The following HTR1F variants were observed in gnomAD, a reference collection of about 807,000 sequenced individuals.
HTR1F encodes 5-hydroxytryptamine receptor 1F, also known as 5-hydroxytryptamine (serotonin) receptor 1F, G protein-coupled.
In HTR1F, 17 loss-of-function variants were observed where a neutral mutation model predicts 24.0. The ratio of observed to expected loss-of-function variants is 0.71; its 90% CI spans 0.48 to 1.06. HTR1F has a LOEUF of 1.06. Among genes scored for constraint, HTR1F ranks in the 50% least tolerant of loss-of-function variants. The pLI, the probability that HTR1F is intolerant of heterozygous loss-of-function variation, is 0.00. For synonymous variants in HTR1F, 186 were observed against 156.8 expected (o/e 1.19, Z -1.39); for missense variants, 391 against 427.8 (o/e 0.91, Z 0.76).
At chr3:87,904,554 C>T (rs190912618) in intron 2 of HTR1F, among the ~76,000 whole-genome samples, 82 of 152,142 alleles carry the variant, frequency 5.4e-4, no homozygotes, top group Admixed American at 2.5e-3. Context: ...AGAAGAAACA[C>T]TATTATTTCA....
intron 2 of HTR1F, among the ~76,000 whole-genome samples, chr3:87,891,316 T>C (rs904849691): frequency 6.6e-5 from 10 of 152,156 alleles, no homozygotes; most frequent in African/African-American, 2.4e-4. Flanking sequence ...AAAATGCCAT[T>C]CTCCATTTTT....
At chr3:87,874,889 G>A (rs1705635768) in intron 2 of HTR1F, among the ~76,000 whole-genome samples, 1 of 152,096 alleles carries the variant, frequency 6.6e-6, no homozygotes. Context: ...TGTGGAAAGG[G>A]TAGTCTCCTC....
At chr3:87,928,614 G>A (rs1162894975) in intron 2 of HTR1F, among the ~76,000 whole-genome samples, 2 of 152,056 alleles carry the variant, frequency 1.3e-5, no homozygotes, top group Non-Finnish European at 2.9e-5. Flanking sequence ...ATAATTATGT[G>A]AACCATTACT....
At position 87,991,323 on chromosome 3, in the gene HTR1F, A is replaced by G; in HGVS notation, c.574A>G (p.Ile192Val). Residue 192 changes from isoleucine to valine, a missense_variant, in exon 3 of 3, where the codon ATC becomes GTC. Transcript: ENST00000319595. ...TTACTCAACATTTGGAGCTTTCTAC[A>G]TCCCACTGGCATTGATTTTGATCCT... ...TIYSTFGAFY[I>V]PLALILILYY... is the part of the protein sequence containing the mutation. 2.5e-6 allele frequency: 4 copies of G among 1,613,952 alleles called. No homozygotes were observed. Among genetic ancestry groups the G allele is most frequent in the Non-Finnish European group, 3.4e-6 (4 of 1,179,980 alleles).
At chr3:87,959,959 CA>C (rs1246755678) in intron 2 of HTR1F, among the ~76,000 whole-genome samples, 1 of 151,956 alleles carries the variant, frequency 6.6e-6, no homozygotes, top group South Asian at 2.1e-4. Flanking sequence ...AGCAGCTATT[CA>C]AAAAGTTGGG....
chr3:87,944,846 T>G (rs1203564029), intron 2 of HTR1F, among the ~76,000 whole-genome samples: 1 of 152,188 alleles, frequency 6.6e-6, no homozygotes, highest in East Asian at 1.9e-4. Context: ...GGGTTAAAGA[T>G]TTTAATAGGA....
At chr3:87,963,568 A>T (rs1369571028) in intron 2 of HTR1F, among the ~76,000 whole-genome samples, 1 of 152,072 alleles carries the variant, frequency 6.6e-6, no homozygotes, top group Non-Finnish European at 1.5e-5. Flanking sequence ...CTCTCCTCCA[A>T]CGTGGCAACC....
Position 87,803,878 on chromosome 3 carries a change from A to G in HTR1F, c.-160+11036A>G, listed in dbSNP as rs115488359. On this transcript the variant is annotated intron_variant, in intron 1 of 2. Coordinates refer to ENST00000319595, the MANE Select transcript of HTR1F (RefSeq NM_001322209.2). ...TATTACACGTTATCTTCAAGGGTGG[A>G]CAAGAAGGATTATCCCCATTTTACA... 4.8e-3 allele frequency among the ~76,000 whole-genome samples: 737 copies of G among 152,272 alleles called. 6 individuals carry two copies. The highest frequency in any genetic ancestry group is 0.017 in the African/African-American group (696 of 41,562).
chr3:87,927,677 C>G (rs1321576204), intron 2 of HTR1F, among the ~76,000 whole-genome samples: 1 of 152,060 alleles, frequency 6.6e-6, no homozygotes, highest in African/African-American at 2.4e-5. Flanking sequence ...ATTTGTACCA[C>G]CTCTACAAAT....
intron 2 of HTR1F, among the ~76,000 whole-genome samples, chr3:87,911,907 G>C (rs1703786221): frequency 6.6e-6 from 1 of 152,098 alleles, no homozygotes; most frequent in Non-Finnish European, 1.5e-5. Flanking sequence ...GGGTATCGAA[G>C]AAATATACCT....
chr3:87,952,694 A>C (rs1370875430), intron 2 of HTR1F, among the ~76,000 whole-genome samples: 1 of 151,990 alleles, frequency 6.6e-6, no homozygotes, highest in Non-Finnish European at 1.5e-5. Context: ...TCATTAATGC[A>C]TAGAATAAAG....
At chr3:87,821,852 C>A (rs1704365870) in intron 1 of HTR1F, among the ~76,000 whole-genome samples, 156 bp from the exon 2 acceptor site, 1 of 151,922 alleles carries the variant, frequency 6.6e-6, no homozygotes, top group African/African-American at 2.4e-5. Context: ...TTATTGACTT[C>A]TAAACCGGAT....
chr3:87,938,063 T>G (rs1407150696), intron 2 of HTR1F, among the ~76,000 whole-genome samples: 1 of 152,120 alleles, frequency 6.6e-6, no homozygotes, highest in Admixed American at 6.6e-5. Flanking sequence ...CCAAAGCTTC[T>G]TAAGCTGATA....
rs577956288 is a variant in HTR1F, at chr3:87,942,642, G to A, written c.-42-48066G>A. ...TTAAAGTGGCCTTGTAGACCGCACT[G>A]GAAGCAAGCCCTATTAGGCATTCAA... On this transcript the variant is annotated intron_variant, in intron 2 of 2. Transcript: ENST00000319595. Among the ~76,000 whole-genome samples the A allele has an allele frequency of 1.1e-3, 166 of 152,170 alleles. 2 individuals are homozygous for A. The highest frequency in any genetic ancestry group is 2.1e-3 in the Non-Finnish European group (144 of 67,990).
intron 2 of HTR1F, among the ~76,000 whole-genome samples, chr3:87,987,209 T>C (rs939437482): frequency 1.9e-4 from 29 of 152,280 alleles, no homozygotes; most frequent in African/African-American, 6.7e-4. Flanking sequence ...GTTTTTTAAA[T>C]TTAATATTTA....
chr3:87,897,168 C>T (rs1897237), intron 2 of HTR1F, among the ~76,000 whole-genome samples: 1 of 150,754 alleles, frequency 6.6e-6, no homozygotes, highest in East Asian at 1.9e-4. Context: ...TGGTGCCCAT[C>T]AATGAGCTGT....
intron 1 of HTR1F, among the ~76,000 whole-genome samples, chr3:87,810,976 A>G (rs1704151017): frequency 6.6e-6 from 1 of 152,180 alleles, no homozygotes; most frequent in South Asian, 2.1e-4. Flanking sequence ...AAAACTTTCT[A>G]TTGCTATTCC....
In HTR1F at chr3:87,867,855, T is replaced by C. The variant is rs181716370; in HGVS notation, c.-43+45731T>C. Among the ~76,000 whole-genome samples, 715 of 152,274 alleles carry C rather than the reference T, an allele frequency of 4.7e-3. 16 individuals carry two copies. The highest frequency in any genetic ancestry group is 2.5e-3 in the Non-Finnish European group (167 of 68,002). ...TAATTCCATCAGAAAACTTCATATC[T>C]GGATTTGATTTCATAGCTTCTCTTT... On this transcript the variant is annotated intron_variant, in intron 2 of 2. Transcript: ENST00000319595.
At chr3:87,981,864 A>G (rs889320677) in intron 2 of HTR1F, among the ~76,000 whole-genome samples, 4 of 152,178 alleles carry the variant, frequency 2.6e-5, no homozygotes, top group Non-Finnish European at 4.4e-5. Flanking sequence ...TCTCTTGAAA[A>G]CAATAACCAG....
Sources: gnomAD v4.1 joint callset for allele counts (sites outside exome capture counted in the v4.1 genomes callset) on GRCh38, gnomAD v4.1.1 for gene constraint, MANE v1.5 for transcripts, NCBI Gene and HGNC (gene_info 2026-07-23, HGNC 2026-07-21) for gene names.